The following BRWD1 variants were observed in gnomAD, a reference collection of about 807,000 sequenced individuals.
BRWD1 encodes bromodomain and WD repeat-containing protein 1.
Under a neutral mutation model 251.2 loss-of-function variants are expected in BRWD1, and 82 were observed. The ratio of observed to expected loss-of-function variants is 0.33; its 90% CI spans 0.27 to 0.39. BRWD1 has a LOEUF of 0.39. BRWD1 is among the 10% of genes least tolerant of loss of function. The pLI, the probability that BRWD1 is intolerant of heterozygous loss-of-function variation, is 1.00. For missense variants in BRWD1, 2,233 were observed against 2,711.6 expected, an observed-to-expected ratio of 0.82 and a Z score of 3.92; for synonymous variants, 918 against 902.8, an observed-to-expected ratio of 1.02 and a Z score of -0.30.
intron 23 of BRWD1, chr21:39,235,623 C>A: frequency 4.5e-6 from 1 of 222,580 alleles, no homozygotes; most frequent in South Asian, 8.2e-5. Context: ...GTCAAAATCT[C>A]TAGGAGAAAA....
rs899074141 is a variant in BRWD1, at chr21:39,188,901, T to C, written c.*7358A>G. 1.0e-6 allele frequency: 1 copy of C among 985,404 alleles called. No individual in the cohort carries two copies. The allele number at this position is 985,404 out of a possible 1,614,324, so 61.0% of individuals were successfully genotyped here. ...GTCTCCAGGCATTGTAAATGGCATT[T>C]TACCAGAGTAAGACACTCATCACGG... is the stretch of plus-strand genomic sequence containing the variant. On this transcript the variant is annotated 3_prime_UTR_variant, in exon 41 of 41. Transcript: ENST00000342449.
At chr21:39,206,702 C>G (rs1030648808) in intron 36 of BRWD1, among the ~76,000 whole-genome samples, 2 of 152,216 alleles carry the variant, frequency 1.3e-5, no homozygotes, top group African/African-American at 2.4e-5. Context: ...ATACCCATCT[C>G]TGTCTGCAAT....
chr21:39,296,338 G>GCCCTTCCAAACTGTGTGCCT lies in BRWD1; in HGVS notation c.355_374dup (p.Ser126GlyfsTer23). 1 of 1,596,878 alleles carries GCCCTTCCAAACTGTGTGCCT rather than the reference G, an allele frequency of 6.3e-7. No homozygotes were observed. The highest frequency in any genetic ancestry group is 8.5e-7 in the Non-Finnish European group (1 of 1,173,208). On this transcript the variant is annotated frameshift_variant, in exon 6 of 41. Coordinates refer to ENST00000342449, the MANE Select transcript of BRWD1 (RefSeq NM_033656.4). LOFTEE classifies it high-confidence loss of function. ...CTCTATGAAGAGCAGCAAAGGCAGA[G>GCCCTTCCAAACTGTGTGCCT]CCCTTCCAAACTGTGTGCCTGCAGT...
rs908945788 is a variant in BRWD1, at chr21:39,187,237, G to A, written c.*9022C>T. ...CCAGACATTTTCTGGTCCTGAGATC[G>A]TTTCTTTTAGATTACTCATTATCTT... On this transcript the variant is annotated 3_prime_UTR_variant, in exon 41 of 41. Transcript: ENST00000342449. 5 of 1,613,484 alleles carry A rather than the reference G, an allele frequency of 3.1e-6. No homozygotes were observed. The highest frequency in any genetic ancestry group is 3.4e-6 in the Non-Finnish European group (4 of 1,179,802).
chr21:39,231,989 T>C (rs1002428717), intron 25 of BRWD1, among the ~76,000 whole-genome samples, 188 bp downstream of exon 25: 1 of 152,188 alleles, frequency 6.6e-6, no homozygotes, highest in East Asian at 1.9e-4. Flanking sequence ...ATCAGCAACA[T>C]ACAAATTTTG....
upstream of BRWD1, chr21:39,313,709 T>C: frequency 2.8e-6 from 1 of 358,774 alleles, no homozygotes; most frequent in Non-Finnish European, 5.0e-6. Context: ...GGGGCGGGGG[T>C]TTGCGCCAAG....
intron 4 of BRWD1, among the ~76,000 whole-genome samples, chr21:39,306,972 G>A (rs553935752): frequency 3.9e-5 from 6 of 152,264 alleles, no homozygotes; most frequent in Middle Eastern, 6.8e-3. Context: ...TCCTGCCTCA[G>A]CCTCCCAAGT....
At chr21:39,247,915 CAGA>C (rs1214675383) in intron 20 of BRWD1, 83 bp from the exon 21 acceptor site, 9 of 1,387,162 alleles carry the variant, frequency 6.5e-6, no homozygotes, top group Non-Finnish European at 8.5e-6. Context: ...GTCAAGTTTC[CAGA>C]AGGATTTAAA....
rs1373008294 is a variant in BRWD1 at position 39,186,751 on chromosome 21, A to T, written c.*9508T>A. The T allele has an allele frequency of 7.0e-6, 2 of 285,046 alleles. No individual in the cohort carries two copies. The highest frequency in any genetic ancestry group is 1.3e-5 in the Non-Finnish European group (2 of 157,646). 17.7% of individuals were successfully genotyped at this position (285,046 alleles called of 1,614,324 possible). ...AGGAATCATGTCTTCAAGGCCTTGC[A>T]TTCTGGAAAGGAATAGTAGTCTTAT... is the stretch of plus-strand genomic sequence containing the variant. On this transcript the variant is annotated 3_prime_UTR_variant, in exon 41 of 41. Coordinates refer to ENST00000342449, the MANE Select transcript of BRWD1 (RefSeq NM_033656.4).
In BRWD1 at chr21:39,313,104, G is replaced by A. The variant is rs1444805902; in HGVS notation, c.109-3C>T. The A allele has an allele frequency of 3.3e-6, 5 of 1,495,954 alleles. No individual in the cohort carries two copies. The highest frequency in any genetic ancestry group is 2.3e-5 in the Admixed American group (1 of 44,244). 92.7% of individuals were successfully genotyped at this position (1,495,954 alleles called of 1,614,324 possible). On this transcript the variant is annotated splice_region_variant and splice_polypyrimidine_tract_variant and intron_variant, in intron 2 of 40. Transcript: ENST00000342449. ...TGCTCCAGCTCCTGCACCAGCACCT[G>A]CGGCCGAGAGACGCGCGGTCAGGGG...
chr21:39,302,835 G>A (rs1205218888), intron 4 of BRWD1, among the ~76,000 whole-genome samples: 3 of 150,474 alleles, frequency 2.0e-5, no homozygotes, highest in South Asian at 2.1e-4. Flanking sequence ...CCAGACAGGC[G>A]GATCACTTGA....
rs145801740 is a variant in BRWD1, at chr21:39,202,220, A to G, written c.4585+105T>C. On this transcript the variant is annotated intron_variant, in intron 38 of 40. Transcript: ENST00000342449. ...CTTCCATTAAACTGTAAGTTCTTTCAGTGTCAAGGCCACATCTTTATATTT... is the reference window on the plus strand; with the variant it reads ...CTTCCATTAAACTGTAAGTTCTTTCGGTGTCAAGGCCACATCTTTATATTT... 5.5e-6 allele frequency: 4 copies of G among 724,540 alleles called. No individual in the cohort carries two copies. In the East Asian group the frequency reaches 1.1e-4, roughly 20 times the overall value. The allele number at this position is 724,540 out of a possible 1,614,324, so 44.9% of individuals were successfully genotyped here. A position where few individuals can be genotyped will look rare whatever the true frequency, so the allele number is the denominator to read the frequency against.
intron 38 of BRWD1, among the ~76,000 whole-genome samples, chr21:39,200,678 T>C (rs1463328028): frequency 6.6e-6 from 1 of 152,168 alleles, no homozygotes; most frequent in Admixed American, 6.5e-5. Context: ...TAAACAGACT[T>C]CCAATTAAAA....
Position 39,190,934 on chromosome 21 carries a change from C to T in BRWD1, c.*5325G>A. ...TTTTGTTCTTATTCTGGAACTACAA[C>T]TAATCTAGCTCATCACAATACAGTT... On this transcript the variant is annotated 3_prime_UTR_variant, in exon 41 of 41. Transcript: ENST00000342449. The T allele has an allele frequency of 1.0e-6, 1 of 985,316 alleles. No individual in the cohort carries two copies. The highest frequency in any genetic ancestry group is 1.2e-6 in the Non-Finnish European group (1 of 829,868). 61.0% of individuals were successfully genotyped at this position (985,316 alleles called of 1,614,324 possible).
In BRWD1 at chr21:39,187,605, A is replaced by G; in HGVS notation, c.*8654T>C. 1.0e-6 allele frequency: 1 copy of G among 985,166 alleles called. No homozygotes were observed. The highest frequency in any genetic ancestry group is 1.2e-6 in the Non-Finnish European group (1 of 829,674). The allele number at this position is 985,166 out of a possible 1,614,324, so 61.0% of individuals were successfully genotyped here. A position where few individuals can be genotyped will look rare whatever the true frequency, so the allele number is the denominator to read the frequency against. On this transcript the variant is annotated 3_prime_UTR_variant, in exon 41 of 41. Transcript: ENST00000342449. ...GATATAACCTTACATTTGCTTATCT[A>G]CAACTATAAGGATGTCACTTAAAAC...
intron 15 of BRWD1, among the ~76,000 whole-genome samples, chr21:39,266,690 C>T (rs747969734): frequency 6.6e-6 from 1 of 152,194 alleles, no homozygotes; most frequent in Non-Finnish European, 1.5e-5. Context: ...CCTGACAAAA[C>T]GCAACCTGCA....
rs771592982 is a variant in BRWD1 at position 39,196,745 on chromosome 21, A to T, written c.6324T>A (p.Pro2108=). Residue 2108 remains proline, a synonymous_variant, in exon 41 of 41, where the codon CCT becomes CCA. Transcript: ENST00000342449. ...CATGAATCACTTTTGTCTTACTAAA[A>T]GGAGCCTTTCCATAGGTCCTGAGTC... ...GRRLRTYGKA[P]FSKTKVIHDS... is the part of the protein sequence containing the mutation. 7 of 1,613,540 alleles carry T rather than the reference A, an allele frequency of 4.3e-6. No individual in the cohort carries two copies. The highest frequency in any genetic ancestry group is 3.3e-5 in the Admixed American group (2 of 59,982).
At chr21:39,283,924 T>C (rs960847646) in intron 8 of BRWD1, among the ~76,000 whole-genome samples, 9 of 152,184 alleles carry the variant, frequency 5.9e-5, no homozygotes, top group African/African-American at 1.7e-4. Flanking sequence ...CTATGATTTC[T>C]AAAAGTCTTC....
At position 39,188,424 on chromosome 21, in the gene BRWD1, A is replaced by T. The variant is rs758438264; in HGVS notation, c.*7835T>A. On this transcript the variant is annotated 3_prime_UTR_variant, in exon 41 of 41. Transcript: ENST00000342449. The stretch of plus-strand genomic sequence containing the variant: ...CTAGACATCTGGAGGACTCCACCAC[A>T]TTCTTTTTACTACTAAGTACTAGAA... 1.3e-5 allele frequency: 13 copies of T among 985,278 alleles called. No individual in the cohort carries two copies. The highest frequency in any genetic ancestry group is 1.6e-5 in the Non-Finnish European group (13 of 829,906). The allele number at this position is 985,278 out of a possible 1,614,324, so 61.0% of individuals were successfully genotyped here.
Sources: gnomAD v4.1 joint callset for allele counts (sites outside exome capture counted in the v4.1 genomes callset) on GRCh38, gnomAD v4.1.1 for gene constraint, MANE v1.5 for transcripts, NCBI Gene and HGNC (gene_info 2026-07-23, HGNC 2026-07-21) for gene names.